The following SUPT3H variants were observed in gnomAD, a reference collection of about 807,000 sequenced individuals.
SUPT3H encodes transcription initiation protein SPT3 homolog.
In SUPT3H, 44 loss-of-function variants were observed where a neutral mutation model predicts 44.3. The observed-to-expected ratio is 0.99, with a 90% CI of 0.78 to 1.28. The LOEUF is 1.28. SUPT3H is among the 50% of genes most tolerant of loss of function. The pLI, the probability that SUPT3H is intolerant of heterozygous loss-of-function variation, is 0.00. For missense variants in SUPT3H, 380 were observed against 387.1 expected (o/e 0.98, Z 0.15); for synonymous variants, 124 against 125.6 (o/e 0.99, Z 0.09).
chr6:45,334,701 A>G (rs1018545308), intron 2 of SUPT3H, among the ~76,000 whole-genome samples: 12 of 151,330 alleles, frequency 7.9e-5, no homozygotes, highest in African/African-American at 2.9e-4. Context: ...ATACACATGC[A>G]TGAGTGTGAA....
intron 1 of SUPT3H, among the ~76,000 whole-genome samples, 185 bp downstream of exon 1, chr6:45,377,583 C>A (rs1376585829): frequency 6.6e-6 from 1 of 152,144 alleles, no homozygotes; most frequent in African/African-American, 2.4e-5. Flanking sequence ...GCGCCTCCCA[C>A]AGCCGCCCTC....
intron 3 of SUPT3H, among the ~76,000 whole-genome samples, chr6:45,025,178 A>G (rs948647965): frequency 6.6e-6 from 1 of 152,218 alleles, no homozygotes; most frequent in East Asian, 1.9e-4. Context: ...CTGATTCTTT[A>G]TAAGATGTGG....
At chr6:45,103,401 G>A (rs1798855984) in intron 3 of SUPT3H, among the ~76,000 whole-genome samples, 1 of 152,084 alleles carries the variant, frequency 6.6e-6, no homozygotes, top group South Asian at 2.1e-4. Context: ...ATCAAATAAT[G>A]TTCCACCTTC....
rs151022747 is a variant in SUPT3H, at chr6:45,215,833, A to T, written c.102-109827T>A. ...GGACATCCAGATTCATAAAGCTTAAAGGCCAAATAGACTGAACCCAAAAAT... is the reference window on the plus strand; with the variant it reads ...GGACATCCAGATTCATAAAGCTTAATGGCCAAATAGACTGAACCCAAAAAT... On this transcript the variant is annotated intron_variant, in intron 2 of 10. Transcript: ENST00000371459. Among the ~76,000 whole-genome samples, 123 of 152,344 alleles carry T rather than the reference A, an allele frequency of 8.1e-4. 1 individual carries two copies. The highest frequency in any genetic ancestry group is 2.8e-3 in the African/African-American group (115 of 41,592).
chr6:45,158,290 A>ATTTTTTTTTTTTTTTTT, intron 2 of SUPT3H, among the ~76,000 whole-genome samples: 1 of 39,788 alleles, frequency 2.5e-5, no homozygotes, highest in Non-Finnish European at 5.4e-5. Context: ...ATATATATAT[A>ATTTTTTTTTTTTTTTTT]TATATATATT....
At chr6:45,213,062 T>C (rs1292835948) in intron 2 of SUPT3H, among the ~76,000 whole-genome samples, 1 of 152,132 alleles carries the variant, frequency 6.6e-6, no homozygotes, top group African/African-American at 2.4e-5. Flanking sequence ...CCACCAATAT[T>C]CTAAAATATG....
At chr6:45,096,313 A>T (rs1332855865) in intron 3 of SUPT3H, among the ~76,000 whole-genome samples, 1 of 152,168 alleles carries the variant, frequency 6.6e-6, no homozygotes, top group African/African-American at 2.4e-5. Flanking sequence ...TCAACTTTGA[A>T]ATTCTATGAC....
At chr6:44,891,145 C>T (rs1278418569) in intron 10 of SUPT3H, among the ~76,000 whole-genome samples, 1 of 151,944 alleles carries the variant, frequency 6.6e-6, no homozygotes, top group African/African-American at 2.4e-5. Flanking sequence ...AAGAAGAAGA[C>T]CTCTTAAGAA....
chr6:45,358,800 G>A (rs1371615167), intron 2 of SUPT3H, among the ~76,000 whole-genome samples: 1 of 152,150 alleles, frequency 6.6e-6, no homozygotes, highest in East Asian at 1.9e-4. Flanking sequence ...CAGGAACATG[G>A]TGAAACGTAT....
chr6:45,327,151 G>A (rs1012212589), intron 2 of SUPT3H, among the ~76,000 whole-genome samples: 4 of 151,906 alleles, frequency 2.6e-5, no homozygotes, highest in Admixed American at 2.0e-4. Flanking sequence ...GTTTCCCAAA[G>A]ATGTTTCCAA....
intron 2 of SUPT3H, among the ~76,000 whole-genome samples, chr6:45,147,707 A>C (rs1350440600): frequency 6.6e-6 from 1 of 152,010 alleles, no homozygotes; most frequent in Non-Finnish European, 1.5e-5. Context: ...GCAAGGAAAC[A>C]GCCTGATCCC....
At chr6:44,956,479 AAAAATAAAAAAAAAAAATAAAAAT>A (rs774528213) in intron 7 of SUPT3H, among the ~76,000 whole-genome samples, 23,483 of 46,042 alleles carry the variant, frequency 0.51, 3,936 homozygotes, top group Non-Finnish European at 0.56. Context: ...TCAAAAAAAA[AAAAATAAAAAAAAAAAATAAAAAT>A]AAAAAAAAAA....
chr6:45,239,770 T>C (rs991681519), intron 2 of SUPT3H, among the ~76,000 whole-genome samples: 6 of 152,230 alleles, frequency 3.9e-5, no homozygotes, highest in African/African-American at 1.4e-4. Flanking sequence ...ATACGGAATA[T>C]TAAACACATT....
At chr6:44,949,697 C>T (rs1442953182) in intron 9 of SUPT3H, among the ~76,000 whole-genome samples, 1 of 151,504 alleles carries the variant, frequency 6.6e-6, no homozygotes, top group Non-Finnish European at 1.5e-5. Flanking sequence ...TTAAAAAGTG[C>T]TCAACCTTAT....
chr6:44,824,177 C>T (rs528029460), downstream of SUPT3H, among the ~76,000 whole-genome samples: 7 of 152,330 alleles, frequency 4.6e-5, no homozygotes, highest in African/African-American at 1.2e-4. Context: ...TTGGGCTCAC[C>T]GTTTCCTTAC....
At chr6:45,048,221 C>CTTTTTTTTTTTTTTTTTTTTTTTTTTTT (rs67557043) in intron 3 of SUPT3H, among the ~76,000 whole-genome samples, 1 of 88,196 alleles carries the variant, frequency 1.1e-5, no homozygotes, top group Non-Finnish European at 2.1e-5. Flanking sequence ...TCTCTCTACT[C>CTTTTTTTTTTTTTTTTTTTTTTTTTTTT]TTTTTTTTTT....
intron 2 of SUPT3H, among the ~76,000 whole-genome samples, chr6:45,253,365 ACTAT>A (rs1219672213): frequency 1.4e-4 from 22 of 152,334 alleles, no homozygotes; most frequent in African/African-American, 5.1e-4. Context: ...TGATCTGATA[ACTAT>A]CTAATTATCA....
In SUPT3H at chr6:44,954,499, G is replaced by T; in HGVS notation, c.689C>A (p.Ala230Glu). 6.2e-7 allele frequency: 1 copy of T among 1,611,574 alleles called. No individual in the cohort carries two copies. Among genetic ancestry groups the T allele is most frequent in the Non-Finnish European group, 8.5e-7 (1 of 1,177,700 alleles). The change falls in exon 8 of 11, where the codon GCA becomes GAA. Residue 230 changes from alanine (A) to glutamate (E), a missense_variant. Physicochemically the swap from Ala to Glu is moderately radical, Grantham distance 107 (BLOSUM62 -1). Transcript: ENST00000371459. ...ATGACAGATTAGAATTCTTACCTGTGCCACAGTTTCATACGCTAAATATGC... is the reference window on the plus strand; with the variant it reads ...ATGACAGATTAGAATTCTTACCTGTTCCACAGTTTCATACGCTAAATATGC... ...ILAYLAYETV[A>E]QLVDLALLVR... is the part of the protein sequence containing the mutation.
At chr6:45,179,583 T>C (rs1477739001) in intron 2 of SUPT3H, among the ~76,000 whole-genome samples, 1 of 152,072 alleles carries the variant, frequency 6.6e-6, no homozygotes, top group East Asian at 1.9e-4. Context: ...TATACGCAAA[T>C]CAATAAATGT....
Sources: allele counts gnomAD v4.1 joint callset (sites outside exome capture counted in the v4.1 genomes callset), GRCh38; gene constraint gnomAD v4.1.1; transcripts MANE v1.5; gene names NCBI Gene and HGNC (gene_info 2026-07-23, HGNC 2026-07-21).